LYZL4: variants seen among roughly 807,000 people sequenced by gnomAD.
LYZL4 encodes the protein lysozyme like 4, also known as lysozyme-like protein 4.
In LYZL4, 13 loss-of-function variants were observed where a neutral mutation model predicts 17.6. That is an observed-to-expected ratio of 0.74 (90% CI 0.48 to 1.18). LYZL4 has a LOEUF of 1.18. LYZL4 is among the 50% of genes most tolerant of loss of function. The probability of loss-of-function intolerance (pLI) is 0.00; values close to 1 mark genes in which losing one functional copy is unlikely to be tolerated. For missense variants in LYZL4, 174 were observed against 188.2 expected, an observed-to-expected ratio of 0.92 and a Z score of 0.44; for synonymous variants, 64 against 67.7, an observed-to-expected ratio of 0.95 and a Z score of 0.27.
chr3:42,407,269 C>T lies in LYZL4; in HGVS notation c.-18G>A. On this transcript the variant is annotated 5_prime_UTR_variant, in exon 2 of 5. Transcript: ENST00000287748. The stretch of plus-strand genomic sequence containing the variant: ...GCCTTCATCTTCTCCAGGCTCCTGG[C>T]AGGTCAGGGCAACGGTGGCCAGATG... 1 of 1,613,698 alleles carries T rather than the reference C, an allele frequency of 6.2e-7. No individual in the cohort carries two copies.
At position 42,406,979 on chromosome 3, in the gene LYZL4, G is replaced by A. The variant is rs2286720; in HGVS notation, c.159C>T (p.Phe53=). 165,777 of 1,614,052 alleles carry A rather than the reference G, an allele frequency of 0.1. 10,181 individuals carry two copies. The highest frequency in any genetic ancestry group is 0.3 in the East Asian group (13,241 of 44,864). The stretch of plus-strand genomic sequence containing the variant: ...TGGCCATGGGGTTGAACTTGCTCTC[G>A]AAGTAGGCCAGGCACACCCCTAAGA... The part of the protein sequence containing the change: ...SLENWVCLAY[F]ESKFNPMAIY... Residue 53 remains phenylalanine, a synonymous_variant, in exon 3 of 5, where the codon TTC becomes TTT. Coordinates refer to ENST00000287748, the MANE Select transcript of LYZL4 (RefSeq NM_144634.4).
chr3:42,387,508 G>A, the LYZL4 span, among the ~76,000 whole-genome samples: 1 of 152,182 alleles, frequency 6.6e-6, no homozygotes, highest in Admixed American at 6.5e-5. Flanking sequence ...GAGAGCCACA[G>A]AGGGTGAAGC....
the LYZL4 span, among the ~76,000 whole-genome samples, chr3:42,381,852 C>T: frequency 1.3e-5 from 2 of 152,302 alleles, no homozygotes; most frequent in Non-Finnish European, 2.9e-5. Context: ...CTCCTAAAGG[C>T]GGAGTCCTGG....
the LYZL4 span, among the ~76,000 whole-genome samples, chr3:42,364,930 C>T: frequency 2.8e-3 from 419 of 152,226 alleles, 5 homozygotes; most frequent in Admixed American, 0.023. Flanking sequence ...TAGCCTTGGT[C>T]TTGCCTTGTC....
At chr3:42,391,340 G>A in the LYZL4 span, among the ~76,000 whole-genome samples, 34,153 of 152,076 alleles carry the variant, frequency 0.22, 4,185 homozygotes, top group Non-Finnish European at 0.27. Context: ...TGAAAACAGA[G>A]AAGAAATCTG....
At chr3:42,397,986 C>T (rs1393694733) in intron 4 of LYZL4, among the ~76,000 whole-genome samples, 2 of 152,156 alleles carry the variant, frequency 1.3e-5, no homozygotes, top group East Asian at 1.9e-4. Context: ...CAGCTGTACG[C>T]CATTAGAAAT....
chr3:42,392,964 G>T (rs1698504904), downstream of LYZL4, among the ~76,000 whole-genome samples: 1 of 152,182 alleles, frequency 6.6e-6, no homozygotes, highest in South Asian at 2.1e-4. Flanking sequence ...GGGTGCTGGT[G>T]ACTTGCCTAA....
At chr3:42,399,225 C>A (rs1698610749) in intron 4 of LYZL4, among the ~76,000 whole-genome samples, 1 of 152,186 alleles carries the variant, frequency 6.6e-6, no homozygotes, top group African/African-American at 2.4e-5. Context: ...CCCCTTCATG[C>A]AGTGTGGGTG....
At chr3:42,391,750 G>T in the LYZL4 span, among the ~76,000 whole-genome samples, 1 of 152,098 alleles carries the variant, frequency 6.6e-6, no homozygotes, top group African/African-American at 2.4e-5. Context: ...TCAGTTTTAA[G>T]AAATGGTAGG....
At chr3:42,364,092 C>T in the LYZL4 span, among the ~76,000 whole-genome samples, 2 of 152,190 alleles carry the variant, frequency 1.3e-5, no homozygotes, top group Non-Finnish European at 2.9e-5. Flanking sequence ...GGCCATCTCC[C>T]ACCTACCTCC....
the LYZL4 span, among the ~76,000 whole-genome samples, chr3:42,390,469 A>G: frequency 2.6e-5 from 4 of 152,106 alleles, no homozygotes; most frequent in African/African-American, 7.2e-5. Context: ...TATAACATCA[A>G]TCCCCAGAGG....
the LYZL4 span, among the ~76,000 whole-genome samples, chr3:42,389,926 C>T: frequency 1.3e-5 from 2 of 152,160 alleles, no homozygotes; most frequent in East Asian, 1.9e-4. Context: ...CGACAAAGTT[C>T]ACGAATGGAT....
chr3:42,365,011 T>C, the LYZL4 span, among the ~76,000 whole-genome samples: 1 of 152,188 alleles, frequency 6.6e-6, no homozygotes, highest in Non-Finnish European at 1.5e-5. Flanking sequence ...CTATGAAGCA[T>C]GCAGCATACT....
chr3:42,394,976 T>A (rs116244131), downstream of LYZL4, among the ~76,000 whole-genome samples: 473 of 152,212 alleles, frequency 3.1e-3, 1 homozygote, highest in African/African-American at 0.011. Context: ...GGTTCCCAGC[T>A]CAATAAAAAA....
the LYZL4 span, among the ~76,000 whole-genome samples, chr3:42,388,505 G>C: frequency 1.3e-5 from 2 of 152,286 alleles, no homozygotes; most frequent in South Asian, 4.2e-4. Context: ...TTATTCACAG[G>C]CTGTCTCAGG....
At chr3:42,383,191 A>C in the LYZL4 span, among the ~76,000 whole-genome samples, 1 of 152,168 alleles carries the variant, frequency 6.6e-6, no homozygotes. Flanking sequence ...ATAAACATTT[A>C]TACATGTGAA....
chr3:42,401,881 G>A (rs545637441), intron 4 of LYZL4, among the ~76,000 whole-genome samples: 93 of 152,210 alleles, frequency 6.1e-4, no homozygotes, highest in African/African-American at 2.1e-3. Flanking sequence ...AGACAAGGCT[G>A]CCACTATTGT....
intron 1 of LYZL4, among the ~76,000 whole-genome samples, chr3:42,410,123 T>C (rs1312641193): frequency 1.3e-5 from 2 of 152,212 alleles, no homozygotes; most frequent in African/African-American, 4.8e-5. Context: ...AGGAATTCCA[T>C]TGCTCATTTA....
the LYZL4 span, among the ~76,000 whole-genome samples, chr3:42,372,607 TC>T: frequency 1.3e-5 from 2 of 151,972 alleles, no homozygotes; most frequent in South Asian, 2.1e-4. Flanking sequence ...CTCAGCATTG[TC>T]CCCCCCAGCA....
Sources: gnomAD v4.1 joint callset for allele counts (sites outside exome capture counted in the v4.1 genomes callset) on GRCh38, gnomAD v4.1.1 for gene constraint, MANE v1.5 for transcripts, NCBI Gene and HGNC (gene_info 2026-07-23, HGNC 2026-07-21) for gene names.